Variants in ZNF69 observed in about 807,000 individuals in gnomAD.
ZNF69 encodes ZNF3.
In ZNF69, 47 loss-of-function variants were observed where a neutral mutation model predicts 50.9. That is an observed-to-expected ratio of 0.92 (90% CI 0.73 to 1.18). The LOEUF is 1.18. Among genes scored for constraint, ZNF69 ranks in the 50% most tolerant of loss-of-function variants. The pLI is 0.00. For missense variants in ZNF69, 717 were observed against 675.1 expected (o/e 1.06, Z -0.69); for synonymous variants, 216 against 223.1 (o/e 0.97, Z 0.29).
At chr19:11,978,518 A>C in the ZNF69 span, 2 of 1,614,108 alleles carry the variant, frequency 1.2e-6, no homozygotes, top group African/African-American at 2.7e-5. Flanking sequence ...GTGGGGATGG[A>C]CCTTATAAAT....
At chr19:11,925,212 T>G in the ZNF69 span, 5 of 1,612,480 alleles carry the variant, frequency 3.1e-6, no homozygotes, top group African/African-American at 5.3e-5. Context: ...GCCTGCGCTA[T>G]GCCCTGCTGT....
the ZNF69 span, among the ~76,000 whole-genome samples, chr19:11,961,044 C>T: frequency 4.6e-5 from 7 of 152,070 alleles, no homozygotes; most frequent in South Asian, 2.1e-4. Flanking sequence ...TTTGGGAGGC[C>T]GAGGCAGGAG....
chr19:11,891,863 G>A (rs1375376082), intron 1 of ZNF69, among the ~76,000 whole-genome samples: 2 of 152,138 alleles, frequency 1.3e-5, no homozygotes, highest in African/African-American at 4.8e-5. Flanking sequence ...ACTTAAATTG[G>A]TGTTTCTCTG....
At chr19:11,915,441 T>C (rs377716488), downstream of ZNF69, among the ~76,000 whole-genome samples, 749 of 139,574 alleles carry the variant, frequency 5.4e-3, 2 homozygotes, top group African/African-American at 0.012. Context: ...AGCCTGACAT[T>C]GGCCTAGACT....
chr19:11,943,818 A>G, the ZNF69 span, among the ~76,000 whole-genome samples: 1 of 152,226 alleles, frequency 6.6e-6, no homozygotes, highest in Admixed American at 6.5e-5. Context: ...AATTTTAAGG[A>G]GAATAAGTCC....
At chr19:11,973,788 A>G in the ZNF69 span, among the ~76,000 whole-genome samples, 2 of 151,776 alleles carry the variant, frequency 1.3e-5, no homozygotes, top group Non-Finnish European at 2.9e-5. Flanking sequence ...TAAGGCTGCT[A>G]AAAATGTTTG....
chr19:11,908,871 G>A (rs547488602), downstream of ZNF69, among the ~76,000 whole-genome samples: 89 of 152,162 alleles, frequency 5.8e-4, no homozygotes, highest in African/African-American at 2.1e-3. Flanking sequence ...CAAAAAATCA[G>A]TGAATCCAGG....
intron 1 of ZNF69, among the ~76,000 whole-genome samples, chr19:11,889,055 G>A (rs1358479017): frequency 6.6e-6 from 1 of 152,156 alleles, no homozygotes; most frequent in Non-Finnish European, 1.5e-5. Context: ...GATTCTGTAG[G>A]TGGCAGCTGG....
chr19:11,914,800 T>C (rs1461077076), downstream of ZNF69, among the ~76,000 whole-genome samples: 5 of 152,194 alleles, frequency 3.3e-5, no homozygotes, highest in African/African-American at 1.2e-4. Context: ...CCAAACCCTG[T>C]CTGTGTGTGG....
At chr19:11,923,231 AC>A in the ZNF69 span, among the ~76,000 whole-genome samples, 3 of 152,172 alleles carry the variant, frequency 2.0e-5, no homozygotes, top group African/African-American at 7.2e-5. Flanking sequence ...TTGGGTGTTC[AC>A]TTTTCTTTCC....
the ZNF69 span, among the ~76,000 whole-genome samples, chr19:11,961,922 TAC>T: frequency 0.083 from 12,009 of 144,856 alleles, 729 homozygotes; most frequent in African/African-American, 0.18. Flanking sequence ...TGGCCTCTTT[TAC>T]ACACACACAC....
chr19:11,925,797 G>T, the ZNF69 span, among the ~76,000 whole-genome samples: 1 of 152,206 alleles, frequency 6.6e-6, no homozygotes, highest in Non-Finnish European at 1.5e-5. Context: ...AAATAAAGAA[G>T]TTTATTCAGA....
chr19:11,905,824 G>T lies in ZNF69; in HGVS notation c.1427G>T (p.Arg476Ile), dbSNP rs1244601451. 4 of 1,613,228 alleles carry T rather than the reference G, an allele frequency of 2.5e-6. No homozygotes were observed. The African/African-American group carries it at 5.4e-5, about 22-fold the overall frequency. Residue 476 changes from arginine to isoleucine, a missense_variant, in exon 4 of 4, where the codon AGA (arginine) becomes ATA (isoleucine). Coordinates refer to ENST00000429654, the MANE Select transcript of ZNF69 (RefSeq NM_001364730.1). ...QTHVRIHSGE[R>I]PYKCKLCGKG... ...CACGTAAGAATACACTCTGGAGAAA[G>T]ACCTTATAAATGTAAGCTATGTGGG...
At chr19:11,954,998 T>A in the ZNF69 span, among the ~76,000 whole-genome samples, 519 of 108,864 alleles carry the variant, frequency 4.8e-3, 2 homozygotes, top group African/African-American at 0.031. Flanking sequence ...TCAAAAAAAT[T>A]TTTTTTTTTT....
the ZNF69 span, among the ~76,000 whole-genome samples, chr19:11,966,413 G>A: frequency 3.3e-5 from 5 of 152,160 alleles, no homozygotes; most frequent in South Asian, 4.2e-4. Flanking sequence ...TCCTTCTGTC[G>A]CCCAGGCTGG....
In ZNF69 at chr19:11,905,812, A is replaced by G. The variant is rs200889282; in HGVS notation, c.1415A>G (p.His472Arg). Residue 472 changes from histidine to arginine, a missense_variant, in exon 4 of 4, where the codon CAC becomes CGC. Coordinates refer to ENST00000429654, the MANE Select transcript of ZNF69 (RefSeq NM_001364730.1). The stretch of plus-strand genomic sequence containing the variant: ...AGGACACAAACACACGTAAGAATAC[A>G]CTCTGGAGAAAGACCTTATAAATGT... ...HERTQTHVRI[H>R]SGERPYKCKL... 7 of 1,613,668 alleles carry G rather than the reference A, an allele frequency of 4.3e-6. No homozygotes were observed. In the East Asian group the frequency reaches 1.1e-4, roughly 26 times the overall value.
intron 1 of ZNF69, 129 bp from the exon 2 acceptor site, chr19:11,903,444 T>C: frequency 6.9e-7 from 1 of 1,451,964 alleles, no homozygotes; most frequent in Non-Finnish European, 9.3e-7. Flanking sequence ...AAAGTAAGTA[T>C]ACACAGGGAG....
At chr19:11,931,589 T>G in the ZNF69 span, among the ~76,000 whole-genome samples, 3 of 148,250 alleles carry the variant, frequency 2.0e-5, no homozygotes, top group African/African-American at 7.9e-5. Flanking sequence ...TCTTTAGAAG[T>G]ACCTTTTTCT....
At chr19:11,932,764 A>G in the ZNF69 span, among the ~76,000 whole-genome samples, 1 of 146,296 alleles carries the variant, frequency 6.8e-6, no homozygotes, top group Non-Finnish European at 1.5e-5. Flanking sequence ...CAGCCTCCCA[A>G]GTAGCTGGGA....
Sources: gnomAD v4.1 joint callset for allele counts (sites outside exome capture counted in the v4.1 genomes callset) on GRCh38, gnomAD v4.1.1 for gene constraint, MANE v1.5 for transcripts, NCBI Gene and HGNC (gene_info 2026-07-23, HGNC 2026-07-21) for gene names.